KALRN: variants seen among roughly 807,000 people sequenced by gnomAD.
The protein encoded by KALRN is kalirin.
In KALRN, 70 loss-of-function variants were observed where a neutral mutation model predicts 353.7. The observed-to-expected ratio is 0.20, with a 90% CI of 0.16 to 0.24. The LOEUF (loss-of-function observed/expected upper bound fraction) is 0.24, where lower values mean the gene tolerates loss of function less well. Among genes scored for constraint, KALRN ranks in the 10% least tolerant of loss-of-function variants. The probability of loss-of-function intolerance (pLI) is 1.00; values close to 1 mark genes in which losing one functional copy is unlikely to be tolerated. For synonymous variants in KALRN, 1,391 were observed against 1,434.8 expected (o/e 0.97, Z 0.69); for missense variants, 2,791 against 3,756.7 (o/e 0.74, Z 6.72).
At chr3:124,290,668 T>G (rs773470681) in intron 5 of KALRN, among the ~76,000 whole-genome samples, 5 of 152,170 alleles carry the variant, frequency 3.3e-5, no homozygotes, top group Non-Finnish European at 7.4e-5. Flanking sequence ...GGTGCCTTAG[T>G]TTCCTAATTC....
At chr3:124,178,437 C>G (rs1035729507) in intron 1 of KALRN, among the ~76,000 whole-genome samples, 1 of 152,162 alleles carries the variant, frequency 6.6e-6, no homozygotes, top group Non-Finnish European at 1.5e-5. Context: ...TTTCATTGTA[C>G]AAACCTCGTA....
intron 34 of KALRN, among the ~76,000 whole-genome samples, chr3:124,625,301 G>T (rs907454296): frequency 2.0e-5 from 3 of 152,168 alleles, no homozygotes; most frequent in South Asian, 4.2e-4. Flanking sequence ...AGTAAAAGCA[G>T]TGCTGTTCAG....
chr3:124,165,174 ATAT>A (rs1465481499), intron 1 of KALRN, among the ~76,000 whole-genome samples: 1 of 152,254 alleles, frequency 6.6e-6, no homozygotes, highest in Non-Finnish European at 1.5e-5. Context: ...CTGCTTGAAC[ATAT>A]TATACTTTAC....
Position 124,694,381 on chromosome 3 carries a change from G to A in KALRN, c.7455G>A (p.Gly2485=), listed in dbSNP as rs763122117. Residue 2485 remains glycine, a synonymous_variant, in exon 53 of 60, where the codon GGG becomes GGA. Transcript: ENST00000682506. The part of the protein sequence containing the change: ...VPLVDVTCLL[G]DTVILQCKVC... ...TGGTGGATGTGACCTGCTTGCTTGG[G>A]GACACAGTGATACTGCAGTGCAAAG... 2.5e-6 allele frequency: 4 copies of A among 1,614,170 alleles called. No homozygotes were observed. In the South Asian group the frequency reaches 4.4e-5, roughly 18 times the overall value.
chr3:124,701,927 T>C, intron 56 of KALRN, 111 bp from the exon 57 acceptor site: 2 of 751,336 alleles, frequency 2.7e-6, no homozygotes, highest in Non-Finnish European at 4.7e-6. Flanking sequence ...TCAGACTCCA[T>C]ATTTGGTCAT....
In KALRN at chr3:124,720,182, T is replaced by C. The variant is rs1157885581; in HGVS notation, c.*712T>C. The C allele has an allele frequency of 6.6e-6, 1 of 152,626 alleles. No individual in the cohort carries two copies. Among genetic ancestry groups the C allele is most frequent in the Non-Finnish European group, 1.5e-5 (1 of 68,024 alleles). The allele number at this position is 152,626 out of a possible 1,614,324, so 9.5% of individuals were successfully genotyped here. On this transcript the variant is annotated 3_prime_UTR_variant, in exon 60 of 60. Transcript: ENST00000682506. The stretch of plus-strand genomic sequence containing the variant: ...GAGAAAGCAATGTTGCCCTTTTGAA[T>C]GAGAAAATTTTTTCTGTCAATCGCA...
intron 13 of KALRN, among the ~76,000 whole-genome samples, chr3:124,410,571 G>A (rs1375617531): frequency 6.6e-6 from 1 of 152,086 alleles, no homozygotes; most frequent in Admixed American, 6.5e-5. Context: ...ATATACAAAT[G>A]GTCAATAAGC....
intron 3 of KALRN, among the ~76,000 whole-genome samples, chr3:124,244,008 G>A (rs1182334016): frequency 1.3e-5 from 2 of 152,120 alleles, no homozygotes; most frequent in African/African-American, 2.4e-5. Flanking sequence ...AGTAGTGATA[G>A]CAGTTACAGC....
chr3:124,376,144 T>C (rs1177687773), intron 10 of KALRN, among the ~76,000 whole-genome samples: 1 of 152,204 alleles, frequency 6.6e-6, no homozygotes, highest in African/African-American at 2.4e-5. Flanking sequence ...GGTGTTTAAG[T>C]CCTCAGAGAT....
intron 1 of KALRN, among the ~76,000 whole-genome samples, chr3:124,175,458 G>C (rs779934711): frequency 3.3e-5 from 5 of 151,994 alleles, no homozygotes; most frequent in Non-Finnish European, 7.4e-5. Context: ...CCAGGATGCG[G>C]AGGTGCGTGC....
chr3:124,348,606 G>C (rs1285477435), intron 10 of KALRN, among the ~76,000 whole-genome samples: 1 of 152,134 alleles, frequency 6.6e-6, no homozygotes, highest in African/African-American at 2.4e-5. Flanking sequence ...ATGTAAAATG[G>C]TGCAGCCACT....
chr3:124,556,179 A>G (rs949970146), intron 33 of KALRN, among the ~76,000 whole-genome samples: 3 of 152,192 alleles, frequency 2.0e-5, no homozygotes, highest in Admixed American at 6.5e-5. Flanking sequence ...CCAGGGGACC[A>G]TGGTGCTCAT....
At chr3:124,079,913 C>T (rs1193444820) in intron 1 of KALRN, 11 of 309,016 alleles carry the variant, frequency 3.6e-5, no homozygotes, top group Non-Finnish European at 6.5e-5. Flanking sequence ...TTTGCAGGAA[C>T]GTGTTTGTTT....
chr3:124,334,897 C>T lies in KALRN; in HGVS notation c.1647+402C>T, dbSNP rs185558705. Reference sequence around the variant, plus strand: ...GCAACCTCCGCTTTCTGGGTTCAAGCGATTCTTGTTCCTCAGCCTCCCAAG... The same window carrying T: ...GCAACCTCCGCTTTCTGGGTTCAAGTGATTCTTGTTCCTCAGCCTCCCAAG... On this transcript the variant is annotated intron_variant, in intron 9 of 59. Coordinates refer to ENST00000682506, the MANE Select transcript of KALRN (RefSeq NM_001388419.1). The surrounding 1 kb of genome is among the most constrained non-coding windows in gnomAD (Gnocchi z 4.2). Among the ~76,000 whole-genome samples, 3 of 152,240 alleles carry T rather than the reference C, an allele frequency of 2.0e-5. No individual in the cohort carries two copies. Among genetic ancestry groups the T allele is most frequent in the Admixed American group, 1.3e-4 (2 of 15,296 alleles).
chr3:124,437,507 T>C (rs1315992458), intron 17 of KALRN, among the ~76,000 whole-genome samples: 1 of 152,140 alleles, frequency 6.6e-6, no homozygotes, highest in East Asian at 1.9e-4. Context: ...CTGACAAACA[T>C]GGTGAAACCC....
chr3:124,345,543 A>G (rs955145246), intron 9 of KALRN, among the ~76,000 whole-genome samples: 1 of 152,126 alleles, frequency 6.6e-6, no homozygotes, highest in Non-Finnish European at 1.5e-5. Flanking sequence ...CACTACCACA[A>G]TTTCTTTTTA....
At chr3:124,498,375 T>C (rs2064117920) in intron 33 of KALRN, among the ~76,000 whole-genome samples, 2 of 152,176 alleles carry the variant, frequency 1.3e-5, no homozygotes, top group Non-Finnish European at 2.9e-5. Context: ...GCCAGGTCAT[T>C]GAGCCCCGAT....
intron 1 of KALRN, among the ~76,000 whole-genome samples, chr3:124,225,478 G>A (rs1023281790): frequency 6.6e-6 from 1 of 152,198 alleles, no homozygotes; most frequent in Non-Finnish European, 1.5e-5. Flanking sequence ...ACAGGGTCAG[G>A]GAGGACCCTG....
rs2063368291 is a variant in KALRN, at chr3:124,722,352, AG to A, written c.*2884del. The A allele has an allele frequency of 6.6e-6, 1 of 151,288 alleles. No homozygotes were observed. Among genetic ancestry groups the A allele is most frequent in the African/African-American group, 2.5e-5 (1 of 40,578 alleles). The allele number at this position is 151,288 out of a possible 1,614,324, so 9.4% of individuals were successfully genotyped here. A position where few individuals can be genotyped will look rare whatever the true frequency, so the allele number is the denominator to read the frequency against. ...TATTTGGGAAGTGAGAAGACAGGAA[AG>A]GAGGGACCTAGAAATGAAAAGTAGG... On this transcript the variant is annotated 3_prime_UTR_variant, in exon 60 of 60. Coordinates refer to ENST00000682506, the MANE Select transcript of KALRN (RefSeq NM_001388419.1).
Sources: gnomAD v4.1 joint callset for allele counts (sites outside exome capture counted in the v4.1 genomes callset) on GRCh38, gnomAD v4.1.1 for gene constraint, Gnocchi (gnomAD v3.1) non-coding constraint, MANE v1.5 for transcripts, NCBI Gene and HGNC (gene_info 2026-07-23, HGNC 2026-07-21) for gene names.